STAG1: variants seen among roughly 807,000 people sequenced by gnomAD.
STAG1 encodes STAG1 cohesin complex component.
Under a neutral mutation model 170.9 loss-of-function variants are expected in STAG1, and 26 were observed. The observed-to-expected ratio is 0.15, with a 90% CI of 0.11 to 0.21. The LOEUF (loss-of-function observed/expected upper bound fraction) is 0.21. Ranked by LOEUF, STAG1 falls within the 10% of genes least tolerant of loss-of-function variation. STAG1 has a pLI of 1.00. For missense variants in STAG1, 964 were observed against 1,509.5 expected, an observed-to-expected ratio of 0.64 and a Z score of 5.99; for synonymous variants, 514 against 497.7, an observed-to-expected ratio of 1.03 and a Z score of -0.44.
At chr3:136,401,387 T>C (rs2087320400) in intron 21 of STAG1, among the ~76,000 whole-genome samples, 1 of 152,242 alleles carries the variant, frequency 6.6e-6, no homozygotes, top group Non-Finnish European at 1.5e-5. Flanking sequence ...CAAAATCCTA[T>C]TCCTGATGCT....
At chr3:136,623,898 C>T (rs1286642910) in intron 2 of STAG1, among the ~76,000 whole-genome samples, 1 of 151,790 alleles carries the variant, frequency 6.6e-6, no homozygotes, top group Non-Finnish European at 1.5e-5. Context: ...TGCAGTGAGC[C>T]GAGATTACGC....
chr3:136,464,056 AG>A (rs2089372224), intron 13 of STAG1, among the ~76,000 whole-genome samples: 1 of 151,800 alleles, frequency 6.6e-6, no homozygotes, highest in African/African-American at 2.4e-5. Context: ...CAAAAAAATA[AG>A]GTTTAAAAAA....
chr3:136,395,701 C>T (rs966952450), intron 22 of STAG1, among the ~76,000 whole-genome samples: 8 of 152,076 alleles, frequency 5.3e-5, no homozygotes, highest in East Asian at 1.9e-4. Context: ...TGAATTTTTA[C>T]GGAATAACAT....
chr3:136,663,338 T>C (rs934908497), intron 1 of STAG1, among the ~76,000 whole-genome samples: 2 of 152,166 alleles, frequency 1.3e-5, no homozygotes, highest in African/African-American at 4.8e-5. Context: ...AAGTAGATAT[T>C]ACTATTCCTA....
chr3:136,741,416 G>C (rs1934664193), intron 1 of STAG1, among the ~76,000 whole-genome samples: 2 of 152,166 alleles, frequency 1.3e-5, no homozygotes, highest in African/African-American at 4.8e-5. Flanking sequence ...ACAGACATTA[G>C]CATATGATCA....
At chr3:136,515,895 A>T (rs553679514) in intron 7 of STAG1, among the ~76,000 whole-genome samples, 174 of 152,334 alleles carry the variant, frequency 1.1e-3, no homozygotes, top group African/African-American at 3.6e-3. Context: ...TACAAACCCT[A>T]GAAAATTGAA....
At position 136,343,899 on chromosome 3, in the gene STAG1, G is replaced by A. The variant is rs1448391011; in HGVS notation, c.3379C>T (p.Arg1127Trp). ...LTSTVLRENS[R>W]PMGDQIQEPE... The stretch of plus-strand genomic sequence containing the variant: ...TCTTGAATCTGGTCTCCCATGGGCC[G>A]ACTGTTCTCCCGCAGTACAGTGGAT... The change falls in exon 30 of 34, where the codon CGG becomes TGG. Residue 1127 changes from arginine (R) to tryptophan (W), a missense_variant. Around this residue, in one of 11 missense-constraint regions of STAG1, gnomAD observed 122 missense variants for 129.0 expected, o/e 0.95. Transcript: ENST00000383202. 18 of 1,609,692 alleles carry A rather than the reference G, an allele frequency of 1.1e-5. No individual in the cohort carries two copies. Among genetic ancestry groups the A allele is most frequent in the East Asian group, 4.5e-5 (2 of 44,290 alleles).
At chr3:136,417,784 T>C (rs902298348) in intron 21 of STAG1, 101 bp downstream of exon 21, 3 of 826,374 alleles carry the variant, frequency 3.6e-6, no homozygotes, top group African/African-American at 1.7e-5. Context: ...GCTGCCCTAA[T>C]GAATCGTCAA....
chr3:136,385,157 C>T (rs997209422), intron 22 of STAG1, among the ~76,000 whole-genome samples: 1 of 152,094 alleles, frequency 6.6e-6, no homozygotes, highest in African/African-American at 2.4e-5. Context: ...GCATCAAAAG[C>T]ACTTTTTCTG....
chr3:136,560,502 CTT>C (rs1303595954), intron 5 of STAG1, among the ~76,000 whole-genome samples: 1 of 152,160 alleles, frequency 6.6e-6, no homozygotes, highest in African/African-American at 2.4e-5. Context: ...CCAATAAACA[CTT>C]ATGAATTTAC....
intron 23 of STAG1, 33 bp downstream of exon 23, chr3:136,377,627 T>C (rs1168352743): frequency 1.2e-5 from 19 of 1,559,882 alleles, no homozygotes; most frequent in East Asian, 2.2e-5. Flanking sequence ...TTTGAGTTGA[T>C]TTTATTGAGA....
chr3:136,629,480 T>C (rs999245429), intron 2 of STAG1, among the ~76,000 whole-genome samples: 1 of 151,996 alleles, frequency 6.6e-6, no homozygotes, highest in East Asian at 1.9e-4. Context: ...ATTTATACCA[T>C]ATTTATATAT....
At chr3:136,654,735 C>T (rs1030989143) in intron 1 of STAG1, among the ~76,000 whole-genome samples, 2 of 152,190 alleles carry the variant, frequency 1.3e-5, no homozygotes, top group South Asian at 4.1e-4. Context: ...AAGACTCACA[C>T]TTCCTACTTT....
At chr3:136,350,878 A>G (rs9854328) in intron 28 of STAG1, among the ~76,000 whole-genome samples, 62,028 of 151,918 alleles carry the variant, frequency 0.41, 13,587 homozygotes, top group African/African-American at 0.55. Context: ...CACTAGCAGC[A>G]ACAAATGACA....
chr3:136,721,908 C>A (rs1933299095), intron 1 of STAG1, among the ~76,000 whole-genome samples: 3 of 149,948 alleles, frequency 2.0e-5, no homozygotes, highest in Admixed American at 1.3e-4. Flanking sequence ...GAGCTAGACT[C>A]CATCTCAAAA....
At chr3:136,667,481 G>C (rs554105286) in intron 1 of STAG1, among the ~76,000 whole-genome samples, 4 of 152,162 alleles carry the variant, frequency 2.6e-5, no homozygotes, top group Non-Finnish European at 4.4e-5. Flanking sequence ...ATGAACATAT[G>C]AAAATGGTTT....
Position 136,583,757 on chromosome 3 carries a change from C to A in STAG1, c.298-14896G>T, listed in dbSNP as rs371248401. 2.6e-5 allele frequency among the ~76,000 whole-genome samples: 4 copies of A among 152,056 alleles called. No homozygotes were observed. The East Asian group carries it at 7.7e-4, about 29-fold the overall frequency. ...TGAGCCAAGATCGTGCCATGGCACT[C>A]CAGCCTGAGCAATAGAATGAGACAC... On this transcript the variant is annotated intron_variant, in intron 4 of 33. Coordinates refer to ENST00000383202, the MANE Select transcript of STAG1 (RefSeq NM_005862.3).
chr3:136,688,776 C>T (rs922907800), intron 1 of STAG1, among the ~76,000 whole-genome samples: 1 of 152,148 alleles, frequency 6.6e-6, no homozygotes, highest in African/African-American at 2.4e-5. Flanking sequence ...ACTAAAAAAG[C>T]AGAGTGACCT....
chr3:136,717,423 G>A (rs563997499), intron 1 of STAG1, among the ~76,000 whole-genome samples: 1 of 152,302 alleles, frequency 6.6e-6, no homozygotes, highest in Non-Finnish European at 1.5e-5. Flanking sequence ...CAGCACTTTG[G>A]GAGGTCGAGG....
Sources: allele counts gnomAD v4.1 joint callset (sites outside exome capture counted in the v4.1 genomes callset), GRCh38; gene constraint gnomAD v4.1.1; regional missense constraint gnomAD v4.1.1; transcripts MANE v1.5; gene names NCBI Gene and HGNC (gene_info 2026-07-23, HGNC 2026-07-21).